The following LRFN5 variants were observed in gnomAD, a reference collection of about 807,000 sequenced individuals.
The protein encoded by LRFN5 is leucine-rich repeat and fibronectin type-III domain-containing protein 5.
In LRFN5, 24 loss-of-function variants were observed where a neutral mutation model predicts 45.6. The ratio of observed to expected loss-of-function variants is 0.53; its 90% confidence interval spans 0.38 to 0.74. The LOEUF (loss-of-function observed/expected upper bound fraction) is 0.74. Among genes scored for constraint, LRFN5 ranks in the 30% least tolerant of loss-of-function variants. The pLI is 0.00. For synonymous variants in LRFN5, 340 were observed against 313.8 expected (o/e 1.08, Z -0.88); for missense variants, 776 against 861.5 (o/e 0.90, Z 1.24).
intron 2 of LRFN5, among the ~76,000 whole-genome samples, chr14:41,818,127 A>G (rs1224647398): frequency 2.0e-5 from 3 of 152,122 alleles, no homozygotes; most frequent in Admixed American, 6.6e-5. Flanking sequence ...ATTTCAAAAA[A>G]TCATGCTAAC....
At chr14:41,672,262 T>C (rs1380141178) in intron 1 of LRFN5, among the ~76,000 whole-genome samples, 1 of 152,236 alleles carries the variant, frequency 6.6e-6, no homozygotes, top group African/African-American at 2.4e-5. Flanking sequence ...TATTACCTTC[T>C]TTTTTGAAGT....
chr14:41,782,587 A>AT (rs1300713650), intron 2 of LRFN5, among the ~76,000 whole-genome samples: 2 of 152,052 alleles, frequency 1.3e-5, no homozygotes, highest in Admixed American at 1.3e-4. Flanking sequence ...ATACCTTGTA[A>AT]TTTTTTGTTA....
intron 1 of LRFN5, among the ~76,000 whole-genome samples, chr14:41,766,177 A>G (rs1213753614): frequency 6.6e-6 from 1 of 152,222 alleles, no homozygotes; most frequent in East Asian, 1.9e-4. Context: ...CAGTGATTGA[A>G]TATCAATTTG....
rs543511595 is a variant in LRFN5 at position 41,839,936 on chromosome 14, A to C, written c.-20-46670A>C. Among the ~76,000 whole-genome samples the C allele has an allele frequency of 7.2e-5, 11 of 152,242 alleles. No individual in the cohort carries two copies. In the East Asian group the frequency reaches 1.9e-3, roughly 27 times the overall value. ...AAATCAAGACAGGCATGCTGTTTGT[A>C]CTATAAATAGTCACATTATCCTGGC... On this transcript the variant is annotated intron_variant, in intron 2 of 5. Coordinates refer to ENST00000298119, the MANE Select transcript of LRFN5 (RefSeq NM_152447.5).
At chr14:41,855,205 C>T (rs530328769) in intron 2 of LRFN5, among the ~76,000 whole-genome samples, 3 of 152,132 alleles carry the variant, frequency 2.0e-5, no homozygotes, top group East Asian at 1.9e-4. Context: ...TTGGCTTAAA[C>T]GTAGGGTGAA....
At chr14:41,738,614 C>A (rs999896206) in intron 1 of LRFN5, among the ~76,000 whole-genome samples, 1 of 152,144 alleles carries the variant, frequency 6.6e-6, no homozygotes, top group African/African-American at 2.4e-5. Flanking sequence ...TTCTGGCCTG[C>A]AAGCTTTCTG....
At chr14:41,865,454 A>G (rs1415186836) in intron 2 of LRFN5, among the ~76,000 whole-genome samples, 2 of 152,278 alleles carry the variant, frequency 1.3e-5, no homozygotes, top group Non-Finnish European at 1.5e-5. Flanking sequence ...GCCAGGTTTT[A>G]TTAATCCATT....
intron 1 of LRFN5, among the ~76,000 whole-genome samples, chr14:41,675,130 G>A (rs1392826042): frequency 6.6e-6 from 1 of 151,336 alleles, no homozygotes; most frequent in African/African-American, 2.4e-5. Flanking sequence ...TGGGCAGCCA[G>A]GCAGAGGGGC....
intron 2 of LRFN5, among the ~76,000 whole-genome samples, chr14:41,825,304 C>T (rs1016968202): frequency 1.3e-5 from 2 of 152,164 alleles, no homozygotes; most frequent in Non-Finnish European, 2.9e-5. Flanking sequence ...AGAAGTCCCC[C>T]TCTCCATGTT....
chr14:41,678,516 T>C (rs888785611), intron 1 of LRFN5, among the ~76,000 whole-genome samples: 3 of 152,140 alleles, frequency 2.0e-5, no homozygotes, highest in African/African-American at 7.2e-5. Flanking sequence ...GAATAAAGAC[T>C]TGAATGATAT....
At chr14:41,719,327 T>C (rs1307017281) in intron 1 of LRFN5, among the ~76,000 whole-genome samples, 1 of 152,130 alleles carries the variant, frequency 6.6e-6, no homozygotes, top group African/African-American at 2.4e-5. Flanking sequence ...TTTATTATTT[T>C]TAGACTGATA....
chr14:41,759,961 G>C (rs1475475416), intron 1 of LRFN5, among the ~76,000 whole-genome samples: 3 of 152,122 alleles, frequency 2.0e-5, no homozygotes, highest in Non-Finnish European at 4.4e-5. Flanking sequence ...TAACACAGAG[G>C]GATTCCCACA....
intron 2 of LRFN5, among the ~76,000 whole-genome samples, chr14:41,785,126 T>C (rs1281336933): frequency 6.6e-6 from 1 of 152,204 alleles, no homozygotes; most frequent in East Asian, 1.9e-4. Flanking sequence ...TCCATTCTTT[T>C]ACTATTTTAT....
In LRFN5 at chr14:41,709,133, A is replaced by G. The variant is rs544998157; in HGVS notation, c.-196-57721A>G. On this transcript the variant is annotated intron_variant, in intron 1 of 5. Coordinates refer to ENST00000298119, the MANE Select transcript of LRFN5 (RefSeq NM_152447.5). ...AGTTCATGTAACTGTAAGTTTGATT[A>G]TTTTCCTTTGTTTGCTGGTTTTCAG... Among the ~76,000 whole-genome samples, 6 of 151,952 alleles carry G rather than the reference A, an allele frequency of 3.9e-5. No homozygotes were observed. The South Asian group carries it at 1.2e-3, about 32-fold the overall frequency.
intron 1 of LRFN5, among the ~76,000 whole-genome samples, chr14:41,616,270 C>T (rs536760882): frequency 1.3e-5 from 2 of 152,164 alleles, no homozygotes; most frequent in South Asian, 4.1e-4. Flanking sequence ...ATGACTCAAG[C>T]CCATTCTTTA....
chr14:41,730,662 T>C (rs549942389), intron 1 of LRFN5, among the ~76,000 whole-genome samples: 7 of 152,128 alleles, frequency 4.6e-5, no homozygotes, highest in South Asian at 2.1e-4. Context: ...GTTCAAGTCA[T>C]CTCTATTTTA....
chr14:41,687,124 T>A (rs992925400), intron 1 of LRFN5, among the ~76,000 whole-genome samples: 14 of 152,052 alleles, frequency 9.2e-5, no homozygotes, highest in African/African-American at 3.4e-4. Flanking sequence ...TATTTATACT[T>A]TACAAGGGGC....
chr14:41,855,881 A>G (rs1683352868), intron 2 of LRFN5, among the ~76,000 whole-genome samples: 1 of 152,206 alleles, frequency 6.6e-6, no homozygotes, highest in African/African-American at 2.4e-5. Context: ...ATGGTGATAT[A>G]TGTCTACGTT....
chr14:41,762,713 C>T (rs1294912020), intron 1 of LRFN5, among the ~76,000 whole-genome samples: 1 of 151,574 alleles, frequency 6.6e-6, no homozygotes, highest in African/African-American at 2.4e-5. Flanking sequence ...GGAGTAATCC[C>T]CCAAAAGATA....
Sources: gnomAD v4.1 joint callset for allele counts (sites outside exome capture counted in the v4.1 genomes callset) on GRCh38, gnomAD v4.1.1 for gene constraint, MANE v1.5 for transcripts, NCBI Gene and HGNC (gene_info 2026-07-23, HGNC 2026-07-21) for gene names.